DNAAF4: variants seen among roughly 807,000 people sequenced by gnomAD.
DNAAF4 encodes dynein assembly factor 4, axonemal.
DNAAF4 carries 43 observed loss-of-function variants against 51.8 expected under a neutral mutation model. That is an observed-to-expected ratio of 0.83 (90% confidence interval 0.65 to 1.07). DNAAF4 has a LOEUF of 1.07. Among genes scored for constraint, DNAAF4 ranks in the 50% least tolerant of loss-of-function variants. DNAAF4 has a pLI of 0.00. For synonymous variants in DNAAF4, 194 were observed against 165.6 expected (o/e 1.17, Z -1.32); for missense variants, 581 against 493.0 (o/e 1.18, Z -1.69).
chr15:55,435,217 C>A (rs566618413), intron 7 of DNAAF4, among the ~76,000 whole-genome samples, 159 bp from the exon 8 acceptor site: 8 of 152,190 alleles, frequency 5.3e-5, no homozygotes, highest in African/African-American at 1.9e-4. Flanking sequence ...TTCACATATA[C>A]CAGCCTGTCA....
intron 4 of DNAAF4, among the ~76,000 whole-genome samples, chr15:55,476,437 A>C (rs2058336058): frequency 6.6e-6 from 1 of 152,198 alleles, no homozygotes; most frequent in South Asian, 2.1e-4. Context: ...TGTACAATAG[A>C]GTGAGACCTT....
downstream of DNAAF4, among the ~76,000 whole-genome samples, chr15:55,426,079 G>C (rs2057428354): frequency 6.7e-6 from 1 of 148,446 alleles, no homozygotes; most frequent in Non-Finnish European, 1.5e-5. Flanking sequence ...CAGGAGTGCT[G>C]ATTGGTTAGG....
At chr15:55,426,050 T>TG (rs1332780216), downstream of DNAAF4, among the ~76,000 whole-genome samples, 1 of 152,038 alleles carries the variant, frequency 6.6e-6, no homozygotes, top group African/African-American at 2.4e-5. Flanking sequence ...ACTTGGTGGG[T>TG]GGGGGGAAGC....
chr15:55,489,113 C>G (rs1020048497), intron 4 of DNAAF4, among the ~76,000 whole-genome samples: 3 of 151,732 alleles, frequency 2.0e-5, no homozygotes, highest in Admixed American at 6.6e-5. Context: ...AAAAACAAAC[C>G]TTCAAGGTAC....
rs1333854853 is a variant in DNAAF4 at position 55,493,741 on chromosome 15, T to C, written c.272-2485A>G. Among the ~76,000 whole-genome samples the C allele has an allele frequency of 2.6e-5, 4 of 152,184 alleles. No individual in the cohort carries two copies. The East Asian group carries it at 7.7e-4, about 29-fold the overall frequency. ...TTTTTTGAGAGAGGATCACATACTG[T>C]CACCCAGGTTGGAGTGCAGCATTAT... On this transcript the variant is annotated intron_variant, in intron 3 of 9. Coordinates refer to ENST00000321149, the MANE Select transcript of DNAAF4 (RefSeq NM_130810.4).
chr15:55,444,785 C>T (rs60229152), intron 6 of DNAAF4, among the ~76,000 whole-genome samples: 67,976 of 151,870 alleles, frequency 0.45, 16,487 homozygotes, highest in East Asian at 0.74. Context: ...TGGATTCCTA[C>T]GTATTTTTTT....
chr15:55,439,423 A>G, intron 7 of DNAAF4, 49 bp downstream of exon 7: 1 of 1,477,214 alleles, frequency 6.8e-7, no homozygotes, highest in Non-Finnish European at 9.4e-7. Context: ...GATAACTGCT[A>G]ATGTCTTCAT....
chr15:55,428,693 C>T (rs1395769147), downstream of DNAAF4, among the ~76,000 whole-genome samples: 2 of 150,302 alleles, frequency 1.3e-5, no homozygotes, highest in Admixed American at 6.6e-5. Flanking sequence ...AGGGGGGTTT[C>T]ACCATGTTAG....
chr15:55,472,675 A>G (rs1415096232), intron 4 of DNAAF4, among the ~76,000 whole-genome samples: 3 of 152,186 alleles, frequency 2.0e-5, no homozygotes, highest in African/African-American at 4.8e-5. Flanking sequence ...AAAGGATGCC[A>G]TTTACTACAG....
intron 4 of DNAAF4, among the ~76,000 whole-genome samples, chr15:55,482,980 A>C (rs2058433160): frequency 6.6e-6 from 1 of 152,224 alleles, no homozygotes; most frequent in African/African-American, 2.4e-5. Context: ...CTGTATGTGA[A>C]ATGTCTAGAG....
intron 4 of DNAAF4, among the ~76,000 whole-genome samples, chr15:55,473,209 ATATATATATATATGTGTGTGTG>A (rs2058283710): frequency 8.1e-6 from 1 of 123,520 alleles, no homozygotes; most frequent in African/African-American, 2.9e-5. Context: ...ATATATATAT[ATATATATATATATGTGTGTGTG>A]TATATATATA....
intron 1 of DNAAF4, among the ~76,000 whole-genome samples, chr15:55,506,806 A>G (rs2058729559): frequency 6.6e-6 from 1 of 152,124 alleles, no homozygotes; most frequent in Non-Finnish European, 1.5e-5. Context: ...GTCAAATAAT[A>G]TCCTCAAGAA....
Position 55,432,551 on chromosome 15 carries a change from T to C in DNAAF4, c.1099A>G (p.Lys367Glu). The C allele has an allele frequency of 1.2e-6, 2 of 1,612,902 alleles. No homozygotes were observed. The highest frequency in any genetic ancestry group is 1.7e-6 in the Non-Finnish European group (2 of 1,179,176). The change falls in exon 9 of 10, where the codon AAG becomes GAG. Residue 367 changes from lysine to glutamate, a missense_variant. By Grantham distance (56) the Lys-to-Glu change is moderately conservative. Coordinates refer to ENST00000321149, the MANE Select transcript of DNAAF4 (RefSeq NM_130810.4). ...GCTGTTCCACGTCGTACATGTGCCT[T>C]CATTCTTGCATTAGCATTGTCTGTA... ...PVTDNANARM[K>E]AHVRRGTAFC...
intron 1 of DNAAF4, among the ~76,000 whole-genome samples, chr15:55,498,930 G>T (rs1595961258): frequency 6.9e-6 from 1 of 145,254 alleles, no homozygotes; most frequent in African/African-American, 2.6e-5. Context: ...AAAAAGAAAA[G>T]AAAAAGAAAG....
At chr15:55,471,734 C>T (rs1056735292) in intron 4 of DNAAF4, among the ~76,000 whole-genome samples, 2 of 151,946 alleles carry the variant, frequency 1.3e-5, no homozygotes, top group African/African-American at 4.8e-5. Flanking sequence ...AGGATGGTCT[C>T]GATCTCCTGA....
At chr15:55,472,200 C>T (rs144243322) in intron 4 of DNAAF4, among the ~76,000 whole-genome samples, 6 of 152,220 alleles carry the variant, frequency 3.9e-5, no homozygotes, top group Admixed American at 3.3e-4. Context: ...AACACAGACA[C>T]CGACAAATAT....
At chr15:55,443,097 C>G in intron 6 of DNAAF4, 1 of 1,610,570 alleles carries the variant, frequency 6.2e-7, no homozygotes, top group Non-Finnish European at 8.5e-7. Flanking sequence ...AGTCTTGAAT[C>G]CTTTCAGTAG....
intron 4 of DNAAF4, among the ~76,000 whole-genome samples, chr15:55,473,251 G>GTA (rs1363207603): frequency 5.5e-5 from 7 of 127,364 alleles, no homozygotes; most frequent in Admixed American, 8.6e-5. Flanking sequence ...ATATGTGTGT[G>GTA]TATATATATG....
At chr15:55,503,264 G>A (rs1360946508) in intron 1 of DNAAF4, among the ~76,000 whole-genome samples, 1 of 152,162 alleles carries the variant, frequency 6.6e-6, no homozygotes, top group Non-Finnish European at 1.5e-5. Flanking sequence ...AACAGGCTCT[G>A]CAATTGAAGC....
Sources: allele counts gnomAD v4.1 joint callset (sites outside exome capture counted in the v4.1 genomes callset), GRCh38; gene constraint gnomAD v4.1.1; transcripts MANE v1.5; gene names NCBI Gene and HGNC (gene_info 2026-07-23, HGNC 2026-07-21).